Variants in GOLGA4 observed in about 807,000 individuals in gnomAD.
The protein encoded by GOLGA4 is golgin subfamily A member 4.
A neutral mutation model predicts 265.9 loss-of-function variants in GOLGA4; 169 were observed. The ratio of observed to expected loss-of-function variants is 0.64; its 90% CI spans 0.56 to 0.72. The LOEUF (loss-of-function observed/expected upper bound fraction) is 0.72. Ranked by LOEUF, GOLGA4 falls within the 30% of genes least tolerant of loss-of-function variation. GOLGA4 has a pLI of 0.00. For synonymous variants in GOLGA4, 923 were observed against 855.8 expected, an observed-to-expected ratio of 1.08 and a Z score of -1.37; for missense variants, 2,482 against 2,483.4, an observed-to-expected ratio of 1.00 and a Z score of 0.01.
At chr3:37,346,560 CTT>C in intron 20 of GOLGA4, among the ~76,000 whole-genome samples, 1 of 152,100 alleles carries the variant, frequency 6.6e-6, no homozygotes, top group South Asian at 2.1e-4. Flanking sequence ...AGTATATTCT[CTT>C]GTTGGTGGGC....
At chr3:37,363,135 G>T (rs1421907015) in intron 23 of GOLGA4, among the ~76,000 whole-genome samples, 1 of 151,860 alleles carries the variant, frequency 6.6e-6, no homozygotes, top group Non-Finnish European at 1.5e-5. Flanking sequence ...GCCTCCTTTT[G>T]ATTTTAATAT....
intron 2 of GOLGA4, among the ~76,000 whole-genome samples, chr3:37,268,624 T>G (rs937712453): frequency 4.6e-5 from 7 of 152,168 alleles, no homozygotes; most frequent in Non-Finnish European, 7.4e-5. Flanking sequence ...CAGGCTGGAG[T>G]GCAGTGGCAC....
intron 10 of GOLGA4, among the ~76,000 whole-genome samples, chr3:37,303,180 G>A (rs1327917610): frequency 1.3e-5 from 2 of 152,216 alleles, no homozygotes; most frequent in Admixed American, 1.3e-4. Context: ...TTAAAAGGTA[G>A]GTAGCTGAGT....
chr3:37,245,059 C>T (rs970610985), intron 1 of GOLGA4, among the ~76,000 whole-genome samples: 1 of 152,136 alleles, frequency 6.6e-6, no homozygotes, highest in East Asian at 1.9e-4. Context: ...AGATTTAGCT[C>T]TATGGATTTT....
chr3:37,284,388 A>G (rs2096842707), intron 3 of GOLGA4, among the ~76,000 whole-genome samples: 1 of 151,544 alleles, frequency 6.6e-6, no homozygotes, highest in Non-Finnish European at 1.5e-5. Flanking sequence ...CTCCTGCCTC[A>G]CTCTACAGGC....
At chr3:37,246,509 T>C (rs190469989) in intron 1 of GOLGA4, among the ~76,000 whole-genome samples, 10 of 152,288 alleles carry the variant, frequency 6.6e-5, no homozygotes, top group African/African-American at 1.2e-4. Flanking sequence ...ATTATAGAAG[T>C]ATAGATACAA....
chr3:37,359,708 C>A (rs2097099597), intron 22 of GOLGA4, among the ~76,000 whole-genome samples: 1 of 152,030 alleles, frequency 6.6e-6, no homozygotes, highest in African/African-American at 2.4e-5. Context: ...TCATTTTCTT[C>A]CCCTGTTGGA....
chr3:37,269,715 C>T (rs139388003), intron 2 of GOLGA4, among the ~76,000 whole-genome samples: 3,486 of 152,068 alleles, frequency 0.023, 66 homozygotes, highest in Non-Finnish European at 0.033. Context: ...TCTAAATATT[C>T]GTAATGTAAA....
At chr3:37,302,017 G>T (rs779408261) in intron 9 of GOLGA4, among the ~76,000 whole-genome samples, 168 bp from the exon 10 acceptor site, 1 of 152,172 alleles carries the variant, frequency 6.6e-6, no homozygotes, top group African/African-American at 2.4e-5. Context: ...TCGAACTCCT[G>T]ATCTCAGGTG....
At chr3:37,315,064 AT>A (rs2096933830) in intron 10 of GOLGA4, among the ~76,000 whole-genome samples, 1 of 152,254 alleles carries the variant, frequency 6.6e-6, no homozygotes, top group African/African-American at 2.4e-5. Flanking sequence ...AACAATTGAA[AT>A]TATACAGTAC....
rs749853377 is a variant in GOLGA4, at chr3:37,323,789, A to C, written c.1903A>C (p.Lys635Gln). The C allele has an allele frequency of 4.3e-6, 7 of 1,609,588 alleles. No homozygotes were observed. Among genetic ancestry groups the C allele is most frequent in the Non-Finnish European group, 5.9e-6 (7 of 1,178,928 alleles). ...TTGGACTGAAAAACTCCAAGTCTTA[A>C]AGCAACAATATCAGACTGAAATGGA... is the stretch of plus-strand genomic sequence containing the variant. ...ALWTEKLQVL[K>Q]QQYQTEMEKL... Residue 635 changes from lysine to glutamine, a missense_variant, in exon 14 of 24, where the codon AAG (lysine) becomes CAG (glutamine). Coordinates refer to ENST00000361924, the MANE Select transcript of GOLGA4 (RefSeq NM_002078.5).
intron 1 of GOLGA4, 91 bp downstream of exon 1, chr3:37,243,713 C>T: frequency 9.2e-7 from 1 of 1,089,056 alleles, no homozygotes; most frequent in Non-Finnish European, 1.4e-6. Flanking sequence ...GGAAGTTCTT[C>T]CGTGACCTTT....
At chr3:37,365,244 G>A (rs769097368) in intron 23 of GOLGA4, among the ~76,000 whole-genome samples, 8 of 152,076 alleles carry the variant, frequency 5.3e-5, no homozygotes, top group Non-Finnish European at 1.0e-4. Flanking sequence ...CACTGGATAA[G>A]AGGAAAGAGC....
chr3:37,343,248 A>G (rs2097044085), intron 20 of GOLGA4, among the ~76,000 whole-genome samples: 1 of 152,178 alleles, frequency 6.6e-6, no homozygotes, highest in African/African-American at 2.4e-5. Flanking sequence ...CAGCCTCCCG[A>G]GTAGCTGGGA....
chr3:37,312,129 G>C (rs1467591318), intron 10 of GOLGA4, among the ~76,000 whole-genome samples: 1 of 152,160 alleles, frequency 6.6e-6, no homozygotes, highest in Non-Finnish European at 1.5e-5. Flanking sequence ...ATATTTCTGT[G>C]AATTACTCAG....
At chr3:37,252,988 C>A (rs2096738166) in intron 2 of GOLGA4, among the ~76,000 whole-genome samples, 1 of 152,118 alleles carries the variant, frequency 6.6e-6, no homozygotes, top group Non-Finnish European at 1.5e-5. Context: ...GTGGCTCATG[C>A]CTGTAATCCC....
chr3:37,255,916 C>CCAAA (rs372815459), intron 2 of GOLGA4, among the ~76,000 whole-genome samples: 130 of 151,788 alleles, frequency 8.6e-4, no homozygotes, highest in African/African-American at 2.9e-3. Flanking sequence ...CCGCACAGGG[C>CCAAA]CAAACAAACA....
intron 16 of GOLGA4, among the ~76,000 whole-genome samples, chr3:37,330,389 T>G (rs1163408578): frequency 6.6e-6 from 1 of 152,144 alleles, no homozygotes; most frequent in Non-Finnish European, 1.5e-5. Flanking sequence ...TCAGGGAGAT[T>G]CATTTGCAGG....
chr3:37,269,885 C>CTTTTTTTT (rs763272448), intron 2 of GOLGA4, among the ~76,000 whole-genome samples: 1 of 79,028 alleles, frequency 1.3e-5, no homozygotes, highest in East Asian at 3.1e-4. Flanking sequence ...TGTAGGGTAG[C>CTTTTTTTT]TTTTTTTTTT....
Sources: allele counts gnomAD v4.1 joint callset (sites outside exome capture counted in the v4.1 genomes callset), GRCh38; gene constraint gnomAD v4.1.1; transcripts MANE v1.5; gene names NCBI Gene and HGNC (gene_info 2026-07-23, HGNC 2026-07-21).